The following AIG1 variants were observed in gnomAD, a reference collection of about 807,000 sequenced individuals.
The protein encoded by AIG1 is androgen-induced gene 1 protein.
AIG1 carries 23 observed loss-of-function variants against 31.4 expected under a neutral mutation model. The observed-to-expected ratio is 0.73, with a 90% CI of 0.53 to 1.04. The LOEUF is 1.04. AIG1 is among the 50% of genes least tolerant of loss of function. The pLI, the probability that AIG1 is intolerant of heterozygous loss-of-function variation, is 0.00. For missense variants in AIG1, 274 were observed against 295.0 expected, an observed-to-expected ratio of 0.93 and a Z score of 0.52; for synonymous variants, 100 against 110.5, an observed-to-expected ratio of 0.90 and a Z score of 0.60.
chr6:143,156,411 T>C lies in AIG1; in HGVS notation c.298-8671T>C, dbSNP rs572351337. 2.6e-5 allele frequency among the ~76,000 whole-genome samples: 4 copies of C among 152,386 alleles called. No individual in the cohort carries two copies. In the East Asian group the frequency reaches 7.7e-4, roughly 29 times the overall value. ...TATGACCTAATTTCATAGAATAATG[T>C]GTAGAGTGCATTTTACATGCATAGA... On this transcript the variant is annotated intron_variant, in intron 2 of 5. Transcript: ENST00000357847.
chr6:143,124,401 C>T (rs975503792), intron 1 of AIG1, among the ~76,000 whole-genome samples: 1 of 152,174 alleles, frequency 6.6e-6, no homozygotes, highest in South Asian at 2.1e-4. Flanking sequence ...GTTCCGGTGA[C>T]CACTTTCCTG....
chr6:143,327,610 TA>T lies in AIG1; in HGVS notation c.516-5671del. ...ATACTTCAGTTACCTATGTACCTGT[TA>T]CCACTTTCAAAAATCTGCAGATAGT... is the stretch of plus-strand genomic sequence containing the variant. On this transcript the variant is annotated intron_variant, in intron 4 of 5. Transcript: ENST00000357847. The surrounding 1 kb of genome is among the most constrained non-coding windows in gnomAD (Gnocchi z 5.3). The T allele has an allele frequency of 3.1e-6, 1 of 322,400 alleles. No homozygotes were observed. The highest frequency in any genetic ancestry group is 5.8e-6 in the Non-Finnish European group (1 of 171,240). 20.0% of individuals were successfully genotyped at this position (322,400 alleles called of 1,614,324 possible). A position where few individuals can be genotyped will look rare whatever the true frequency, so the allele number is the denominator to read the frequency against.
intron 1 of AIG1, among the ~76,000 whole-genome samples, chr6:143,121,463 C>A (rs548802636): frequency 1.3e-5 from 2 of 152,306 alleles, no homozygotes; most frequent in East Asian, 3.9e-4. Context: ...TCCCAAAGAT[C>A]ATTTATCTTC....
chr6:143,243,331 A>G (rs912788225), intron 3 of AIG1, among the ~76,000 whole-genome samples: 1 of 152,270 alleles, frequency 6.6e-6, no homozygotes, highest in East Asian at 1.9e-4. Context: ...TCTAGAATGC[A>G]TCATCAGGAG....
chr6:143,172,352 A>G (rs547964999), intron 3 of AIG1, among the ~76,000 whole-genome samples: 1 of 152,308 alleles, frequency 6.6e-6, no homozygotes, highest in East Asian at 1.9e-4. Flanking sequence ...AATTCTGTTC[A>G]CATGGTGCAT....
At chr6:143,206,168 C>A (rs1562488713) in intron 3 of AIG1, among the ~76,000 whole-genome samples, 1 of 152,216 alleles carries the variant, frequency 6.6e-6, no homozygotes, top group Non-Finnish European at 1.5e-5. Context: ...ATGGCATAAA[C>A]TGCAGAAATT....
intron 4 of AIG1, among the ~76,000 whole-genome samples, chr6:143,300,449 C>G (rs72996199): frequency 0.014 from 2,172 of 152,196 alleles, 34 homozygotes; most frequent in Non-Finnish European, 0.022. Flanking sequence ...GTCTATTTAC[C>G]CAGTTGCACA....
chr6:143,068,691 T>C (rs938878496), intron 1 of AIG1, among the ~76,000 whole-genome samples: 1 of 152,242 alleles, frequency 6.6e-6, no homozygotes, highest in African/African-American at 2.4e-5. Flanking sequence ...ATAGTCCATC[T>C]TAATTCTCCC....
chr6:143,114,046 T>C (rs1335480195), intron 1 of AIG1, among the ~76,000 whole-genome samples: 5 of 152,192 alleles, frequency 3.3e-5, no homozygotes, highest in African/African-American at 9.7e-5. Flanking sequence ...AGTGCTAGGA[T>C]TACAGGTGTG....
intron 2 of AIG1, among the ~76,000 whole-genome samples, chr6:143,138,945 T>C (rs892784469): frequency 3.0e-4 from 46 of 152,004 alleles, no homozygotes; most frequent in African/African-American, 1.1e-3. Context: ...ATGTTTTCTC[T>C]TAGCTCCCTT....
intron 1 of AIG1, among the ~76,000 whole-genome samples, chr6:143,089,068 C>T (rs1008892247): frequency 6.6e-6 from 1 of 151,792 alleles, no homozygotes; most frequent in Non-Finnish European, 1.5e-5. Context: ...AAATTAGCCA[C>T]AGGTGGTGGT....
intron 3 of AIG1, among the ~76,000 whole-genome samples, chr6:143,167,698 A>T (rs4896622): frequency 6.6e-6 from 1 of 152,084 alleles, no homozygotes; most frequent in Non-Finnish European, 1.5e-5. Context: ...TCCTGGAGAC[A>T]GATACTACTT....
intron 1 of AIG1, among the ~76,000 whole-genome samples, chr6:143,100,780 G>A (rs902339174): frequency 2.5e-4 from 38 of 151,904 alleles, no homozygotes; most frequent in African/African-American, 9.0e-4. Flanking sequence ...ATGCCTCCAG[G>A]TTCAAGCGAT....
In AIG1 at chr6:143,293,142, C is replaced by T. The variant is rs1474791176; in HGVS notation, c.515+8917C>T. Among the ~76,000 whole-genome samples the T allele has an allele frequency of 2.6e-5, 4 of 152,084 alleles. No individual in the cohort carries two copies. The highest frequency in any genetic ancestry group is 2.6e-4 in the Admixed American group (4 of 15,280). On this transcript the variant is annotated intron_variant, in intron 4 of 5. Coordinates refer to ENST00000357847, the MANE Select transcript of AIG1 (RefSeq NM_016108.4). The surrounding 1 kb of genome is among the most constrained non-coding windows in gnomAD (Gnocchi z 4.8). ...GAGAGCATCTTCCCTTCCTCTTAGG[C>T]GACAAAATTCCTGAATGCCTGCAGA...
intron 1 of AIG1, among the ~76,000 whole-genome samples, chr6:143,081,243 C>T (rs1262996196): frequency 1.3e-5 from 2 of 152,122 alleles, no homozygotes; most frequent in East Asian, 1.9e-4. Context: ...TCCTGAGGAT[C>T]GTGGCCTCCA....
chr6:143,298,593 C>A lies in AIG1; in HGVS notation c.515+14368C>A, dbSNP rs1423531902. 6.6e-6 allele frequency among the ~76,000 whole-genome samples: 1 copy of A among 152,124 alleles called. No individual in the cohort carries two copies. The highest frequency in any genetic ancestry group is 1.5e-5 in the Non-Finnish European group (1 of 68,034). ...CTGTAACCCTAGTCAGGAGGCTCAC[C>A]TAGGCCCAGGAGTTCAAAACCCAGC... On this transcript the variant is annotated intron_variant, in intron 4 of 5. Coordinates refer to ENST00000357847, the MANE Select transcript of AIG1 (RefSeq NM_016108.4). This position sits in a 1 kb window ranked among gnomAD's most constrained non-coding sequence, Gnocchi z 5.1.
chr6:143,326,332 G>T lies in AIG1; in HGVS notation c.516-6950G>T, dbSNP rs1776607969. Among the ~76,000 whole-genome samples the T allele has an allele frequency of 2.0e-5, 3 of 152,118 alleles. No homozygotes were observed. ...CTTGAACTTCTGGGAGCGTTCTCTT[G>T]TTCTCAGTTCTTTAGACATGCCTTT... is the stretch of plus-strand genomic sequence containing the variant. On this transcript the variant is annotated intron_variant, in intron 4 of 5. Transcript: ENST00000357847. This position sits in a 1 kb window ranked among gnomAD's most constrained non-coding sequence, Gnocchi z 4.5.
chr6:143,082,146 A>G (rs544301961), intron 1 of AIG1, among the ~76,000 whole-genome samples: 3 of 152,150 alleles, frequency 2.0e-5, no homozygotes, highest in Non-Finnish European at 4.4e-5. Flanking sequence ...CTTAGTCTGT[A>G]TATATTTACC....
chr6:143,162,916 C>T (rs1786536364), intron 2 of AIG1, among the ~76,000 whole-genome samples: 1 of 152,150 alleles, frequency 6.6e-6, no homozygotes, highest in Non-Finnish European at 1.5e-5. Context: ...TCCGCATAGG[C>T]AAGCCACTTG....
Sources: allele counts gnomAD v4.1 joint callset (sites outside exome capture counted in the v4.1 genomes callset), GRCh38; gene constraint gnomAD v4.1.1; non-coding constraint Gnocchi (gnomAD v3.1); transcripts MANE v1.5; gene names NCBI Gene and HGNC (gene_info 2026-07-23, HGNC 2026-07-21).